The following ULK4 variants were observed in gnomAD, a reference collection of about 807,000 sequenced individuals.
ULK4 encodes the protein inactive serine/threonine-protein kinase ULK4.
A neutral mutation model predicts 160.6 loss-of-function variants in ULK4; 133 were observed. That is an observed-to-expected ratio of 0.83 (90% CI 0.72 to 0.96). The LOEUF is 0.96. Ranked by LOEUF, ULK4 falls within the 40% of genes least tolerant of loss-of-function variation. ULK4 has a pLI of 0.00. For synonymous variants in ULK4, 534 were observed against 539.8 expected, an observed-to-expected ratio of 0.99 and a Z score of 0.15; for missense variants, 1,580 against 1,499.5, an observed-to-expected ratio of 1.05 and a Z score of -0.89.
At chr3:41,960,975 CCT>C (rs1025455147) in intron 1 of ULK4, among the ~76,000 whole-genome samples, 3 of 152,252 alleles carry the variant, frequency 2.0e-5, no homozygotes, top group African/African-American at 4.8e-5. Flanking sequence ...TTAACCACCC[CCT>C]GACTTTCGTA....
intron 22 of ULK4, among the ~76,000 whole-genome samples, chr3:41,739,144 C>G (rs1323240318): frequency 1.3e-5 from 2 of 152,010 alleles, no homozygotes; most frequent in Admixed American, 6.5e-5. Flanking sequence ...CAAGCCACTA[C>G]GTTAAGTATG....
rs563423076 is a variant in ULK4 at position 41,274,026 on chromosome 3, AT to A, written c.3679-24453del. On this transcript the variant is annotated intron_variant, in intron 35 of 36. Transcript: ENST00000301831. Reference sequence around the variant, plus strand: ...CTTTATAAATTACCCAGTCTCAGGTATTTTTTTTTTATACTAACACAAAACA... The same window carrying A: ...CTTTATAAATTACCCAGTCTCAGGTATTTTTTTTTATACTAACACAAAACA... Among the ~76,000 whole-genome samples, 77 of 148,948 alleles carry A rather than the reference AT, an allele frequency of 5.2e-4. No individual in the cohort carries two copies. In the South Asian group the frequency reaches 7.9e-3, roughly 15 times the overall value.
chr3:41,414,251 C>G (rs1435497297), intron 34 of ULK4, among the ~76,000 whole-genome samples: 1 of 152,136 alleles, frequency 6.6e-6, no homozygotes. Context: ...CATTCGGCAT[C>G]TTGTATTTTC....
intron 27 of ULK4, among the ~76,000 whole-genome samples, chr3:41,686,963 A>C (rs1473071640): frequency 6.6e-6 from 1 of 152,192 alleles, no homozygotes; most frequent in Non-Finnish European, 1.5e-5. Flanking sequence ...CATGCCTATA[A>C]TCCCAGCACT....
chr3:41,934,514 C>T (rs1699697952), intron 4 of ULK4, among the ~76,000 whole-genome samples: 1 of 152,182 alleles, frequency 6.6e-6, no homozygotes, highest in South Asian at 2.1e-4. Context: ...ACTGTGAGCA[C>T]ACTACTTACC....
intron 21 of ULK4, among the ~76,000 whole-genome samples, chr3:41,784,249 A>T (rs573999699): frequency 6.6e-6 from 1 of 152,236 alleles, no homozygotes; most frequent in South Asian, 2.1e-4. Flanking sequence ...AGGCTGACCA[A>T]CATGGAGAAA....
At chr3:41,270,917 AACTATTTCTTTAAAGAT>A (rs2079127546) in intron 35 of ULK4, among the ~76,000 whole-genome samples, 1 of 152,160 alleles carries the variant, frequency 6.6e-6, no homozygotes, top group African/African-American at 2.4e-5. Flanking sequence ...CATCTTTCTA[AACTATTTCTTTAAAGAT>A]ATACTATTTA....
chr3:41,352,034 GA>G (rs2080920802), intron 35 of ULK4, among the ~76,000 whole-genome samples: 1 of 152,178 alleles, frequency 6.6e-6, no homozygotes, highest in Non-Finnish European at 1.5e-5. Flanking sequence ...GGTAGTCAGG[GA>G]AAATAAGTCA....
intron 27 of ULK4, among the ~76,000 whole-genome samples, chr3:41,691,938 CA>C (rs2036313712): frequency 6.9e-6 from 1 of 144,278 alleles, no homozygotes; most frequent in Admixed American, 6.9e-5. Context: ...TTCATCAAAT[CA>C]CTTCTTTTTT....
intron 31 of ULK4, among the ~76,000 whole-genome samples, chr3:41,614,574 A>G (rs915612525): frequency 2.0e-5 from 3 of 152,150 alleles, no homozygotes; most frequent in African/African-American, 7.2e-5. Context: ...TAAGCAACTC[A>G]GTCCAGGCTC....
At chr3:41,339,231 T>C (rs1347227824) in intron 35 of ULK4, among the ~76,000 whole-genome samples, 2 of 151,632 alleles carry the variant, frequency 1.3e-5, no homozygotes, top group African/African-American at 4.8e-5. Context: ...TCTTCACCCC[T>C]GTCCAGGGGC....
intron 34 of ULK4, among the ~76,000 whole-genome samples, chr3:41,454,958 A>G (rs182559561): frequency 1.7e-3 from 254 of 152,282 alleles, no homozygotes; most frequent in Non-Finnish European, 3.0e-3. Flanking sequence ...TGGTTTCCCA[A>G]AGTGCTAGGC....
At position 41,919,834 on chromosome 3, in the gene ULK4, G is replaced by A. The variant is rs185999083; in HGVS notation, c.542-16C>T. 1.3e-6 allele frequency: 2 copies of A among 1,587,278 alleles called. No individual in the cohort carries two copies. The highest frequency in any genetic ancestry group is 4.5e-5 in the East Asian group (2 of 44,620). On this transcript the variant is annotated splice_polypyrimidine_tract_variant and intron_variant, in intron 5 of 36. Transcript: ENST00000301831. ...ACAGGAGATCCTAAAAGCAAAGTAT[G>A]AAGAACAGCTCGGTTAGGCATTTGT...
intron 35 of ULK4, among the ~76,000 whole-genome samples, chr3:41,371,826 G>T (rs954875730): frequency 6.6e-6 from 1 of 151,976 alleles, no homozygotes; most frequent in African/African-American, 2.4e-5. Flanking sequence ...GCTTCAGAAG[G>T]TGGGTAATAA....
Position 41,575,432 on chromosome 3 carries a change from T to C in ULK4, c.3121-9302A>G, listed in dbSNP as rs747077342. ...GGGCTGAGGAGGCAGAGGGAGAACA[T>C]TGAAGCATGTTTTTCTCCCCTCGGT... On this transcript the variant is annotated intron_variant, in intron 31 of 36. Transcript: ENST00000301831. Among the ~76,000 whole-genome samples, 17 of 152,142 alleles carry C rather than the reference T, an allele frequency of 1.1e-4. No individual in the cohort carries two copies. In the South Asian group the frequency reaches 2.1e-3, roughly 19 times the overall value.
intron 35 of ULK4, among the ~76,000 whole-genome samples, chr3:41,330,300 T>C (rs2080417996): frequency 6.6e-6 from 1 of 152,220 alleles, no homozygotes; most frequent in Admixed American, 6.5e-5. Flanking sequence ...ACTGACTGCC[T>C]TTTCCAAGTT....
intron 12 of ULK4, among the ~76,000 whole-genome samples, chr3:41,904,852 C>T (rs2148796041): frequency 6.6e-6 from 1 of 152,298 alleles, no homozygotes; most frequent in Admixed American, 6.5e-5. Context: ...TTAAAGAAAA[C>T]CTAAGTAAGT....
At chr3:41,306,004 T>A (rs1219673129) in intron 35 of ULK4, among the ~76,000 whole-genome samples, 1 of 142,056 alleles carries the variant, frequency 7.0e-6, no homozygotes, top group Non-Finnish European at 1.5e-5. Flanking sequence ...GTCTGAGAAG[T>A]AAGGAGCCCC....
intron 34 of ULK4, among the ~76,000 whole-genome samples, chr3:41,454,598 A>C (rs534688835): frequency 2.0e-5 from 3 of 152,222 alleles, no homozygotes; most frequent in African/African-American, 7.2e-5. Flanking sequence ...TTAATTGGCA[A>C]AAATATAAAG....
Sources: allele counts gnomAD v4.1 joint callset (sites outside exome capture counted in the v4.1 genomes callset), GRCh38; gene constraint gnomAD v4.1.1; transcripts MANE v1.5; gene names NCBI Gene and HGNC (gene_info 2026-07-23, HGNC 2026-07-21).